Variants in MCCC1 observed in about 807,000 individuals in gnomAD.
MCCC1 encodes methylcrotonoyl-CoA carboxylase subunit alpha, mitochondrial.
In MCCC1, 64 loss-of-function variants were observed where a neutral mutation model predicts 83.8. That is an observed-to-expected ratio of 0.76 (90% CI 0.62 to 0.94). The LOEUF (loss-of-function observed/expected upper bound fraction) is 0.94. Among genes scored for constraint, MCCC1 ranks in the 40% least tolerant of loss-of-function variants. MCCC1 has a pLI of 0.00. For synonymous variants in MCCC1, 322 were observed against 315.4 expected, an observed-to-expected ratio of 1.02 and a Z score of -0.22; for missense variants, 807 against 904.7, an observed-to-expected ratio of 0.89 and a Z score of 1.39.
At chr3:183,061,840 G>A (rs1715855068) in intron 7 of MCCC1, among the ~76,000 whole-genome samples, 1 of 152,162 alleles carries the variant, frequency 6.6e-6, no homozygotes, top group South Asian at 2.1e-4. Flanking sequence ...CAATTGTAAA[G>A]TTCTACCACG....
intron 3 of MCCC1, 120 bp downstream of exon 3, chr3:183,092,289 G>A: frequency 3.1e-6 from 4 of 1,281,684 alleles, no homozygotes; most frequent in Non-Finnish European, 4.4e-6. Flanking sequence ...TGAGCAGTTT[G>A]AACTTACCTA....
intron 7 of MCCC1, among the ~76,000 whole-genome samples, chr3:183,066,736 G>A (rs948923036): frequency 2.6e-5 from 4 of 152,216 alleles, no homozygotes; most frequent in Non-Finnish European, 5.9e-5. Flanking sequence ...AAATGTTCAT[G>A]TATATCAAGC....
chr3:183,088,948 C>G (rs1332987603), intron 3 of MCCC1, among the ~76,000 whole-genome samples: 1 of 152,190 alleles, frequency 6.6e-6, no homozygotes, highest in Non-Finnish European at 1.5e-5. Context: ...GCAGGCAAGG[C>G]TAAAGCAGAC....
In MCCC1 at chr3:183,093,083, G is replaced by A. The variant is rs542959644; in HGVS notation, c.137-538C>T. On this transcript the variant is annotated intron_variant, in intron 2 of 18. Coordinates refer to ENST00000265594, the MANE Select transcript of MCCC1 (RefSeq NM_020166.5). ...TAATTTTTGTATTTTTAGTAGAGAC[G>A]GGGTTTCACCACATTGGCCAGGCTG... 5.3e-5 allele frequency among the ~76,000 whole-genome samples: 8 copies of A among 151,962 alleles called. No homozygotes were observed. The East Asian group carries it at 5.8e-4, about 11-fold the overall frequency.
At chr3:183,035,504 A>AT (rs34764997) in intron 13 of MCCC1, among the ~76,000 whole-genome samples, 57,847 of 140,376 alleles carry the variant, frequency 0.41, 13,581 homozygotes, top group East Asian at 0.76. Flanking sequence ...TGAATTTCAG[A>AT]TTTTTTTTTT....
At chr3:183,086,628 G>C (rs1717909396) in intron 4 of MCCC1, 65 bp downstream of exon 4, 1 of 1,427,128 alleles carries the variant, frequency 7.0e-7, no homozygotes, top group East Asian at 2.3e-5. Context: ...ATTTCTATAA[G>C]TAACTTTGCA....
intron 13 of MCCC1, among the ~76,000 whole-genome samples, chr3:183,036,921 C>CCCA (rs1341083479): frequency 1.3e-5 from 2 of 152,110 alleles, no homozygotes. Flanking sequence ...GATCCAGCCG[C>CCCA]CCTGGCCTCC....
intron 4 of MCCC1, among the ~76,000 whole-genome samples, chr3:183,073,346 T>A (rs1716835894): frequency 6.6e-6 from 1 of 152,192 alleles, no homozygotes; most frequent in Non-Finnish European, 1.5e-5. Flanking sequence ...TGGCCTAGAA[T>A]TGAAATCATG....
At position 183,072,348 on chromosome 3, in the gene MCCC1, A is replaced by G; in HGVS notation, c.491+18T>C. 1 of 1,613,274 alleles carries G rather than the reference A, an allele frequency of 6.2e-7. No homozygotes were observed. Among genetic ancestry groups the G allele is most frequent in the Non-Finnish European group, 8.5e-7 (1 of 1,179,404 alleles). On this transcript the variant is annotated intron_variant, in intron 5 of 18. Transcript: ENST00000265594. ...CTGACCTTCATACAGTTATATTTTA[A>G]AAGATATAAACTCATACCTCTTTAT...
intron 7 of MCCC1, among the ~76,000 whole-genome samples, chr3:183,059,499 T>C (rs1170255445): frequency 6.6e-6 from 1 of 152,214 alleles, no homozygotes; most frequent in Non-Finnish European, 1.5e-5. Flanking sequence ...TTATTGCCAT[T>C]ATTTTAAACA....
intron 16 of MCCC1, among the ~76,000 whole-genome samples, chr3:183,020,985 G>A (rs966806867): frequency 3.3e-5 from 5 of 152,212 alleles, no homozygotes; most frequent in South Asian, 2.1e-4. Context: ...GAGTGAACCC[G>A]GGAGGCAGAG....
At chr3:183,084,753 C>T (rs1717767932) in intron 4 of MCCC1, among the ~76,000 whole-genome samples, 1 of 152,052 alleles carries the variant, frequency 6.6e-6, no homozygotes, top group Admixed American at 6.6e-5. Context: ...GAGGCTCCAT[C>T]TCTACAAAAA....
At chr3:183,114,268 A>G (rs1719552061) in intron 1 of MCCC1, among the ~76,000 whole-genome samples, 1 of 152,112 alleles carries the variant, frequency 6.6e-6, no homozygotes, top group Admixed American at 6.6e-5. Context: ...TGACTACTTA[A>G]CTTCTGTAAA....
chr3:183,091,148 A>G (rs1056853234), intron 3 of MCCC1: 21 of 390,844 alleles, frequency 5.4e-5, no homozygotes, highest in Middle Eastern at 3.6e-4. Context: ...GGCCTGCTGT[A>G]CAGTGATAAA....
At chr3:183,085,602 C>G (rs1717834509) in intron 4 of MCCC1, among the ~76,000 whole-genome samples, 1 of 148,924 alleles carries the variant, frequency 6.7e-6, no homozygotes, top group African/African-American at 2.5e-5. Flanking sequence ...GCACTGCAGC[C>G]TGGGCAACAG....
rs759345755 is a variant in MCCC1 at position 183,071,227 on chromosome 3, G to T, written c.622C>A (p.Arg208=). The T allele has an allele frequency of 2.3e-5, 37 of 1,614,128 alleles. No individual in the cohort carries two copies. Among genetic ancestry groups the T allele is most frequent in the Non-Finnish European group, 2.6e-5 (31 of 1,180,024 alleles). The change falls in exon 6 of 19, where the codon CGG becomes AGG. Residue 208 remains arginine, a synonymous_variant. Transcript: ENST00000265594. ...IGYPVMIKAV[R]GGGGKGMRIV... ...AATCTTACTTTTCCTCCTCCACCCC[G>T]GACGGCTTTAATCATGACAGGATAG...
At chr3:183,092,229 G>C (rs985185685) in intron 3 of MCCC1, 180 bp downstream of exon 3, 2 of 695,110 alleles carry the variant, frequency 2.9e-6, no homozygotes, top group Non-Finnish European at 4.9e-6. Flanking sequence ...TAAGCACACC[G>C]CTTAGTTCAA....
intron 4 of MCCC1, among the ~76,000 whole-genome samples, chr3:183,081,748 C>T (rs971660029): frequency 1.3e-5 from 2 of 152,176 alleles, no homozygotes; most frequent in African/African-American, 2.4e-5. Context: ...GGTATAATTG[C>T]CCTGCTAATG....
intron 1 of MCCC1, among the ~76,000 whole-genome samples, chr3:183,113,336 C>CA (rs201312152): frequency 0.016 from 2,283 of 143,268 alleles, 25 homozygotes; most frequent in Non-Finnish European, 0.022. Context: ...CCAAACACCG[C>CA]TGTTCTCACT....
Sources: gnomAD v4.1 joint callset for allele counts (sites outside exome capture counted in the v4.1 genomes callset) on GRCh38, gnomAD v4.1.1 for gene constraint, MANE v1.5 for transcripts, NCBI Gene and HGNC (gene_info 2026-07-23, HGNC 2026-07-21) for gene names.